ASTN2: variants seen among roughly 807,000 people sequenced by gnomAD.
ASTN2 encodes the protein astrotactin-2.
Under a neutral mutation model 139.8 loss-of-function variants are expected in ASTN2, and 54 were observed. That is an observed-to-expected ratio of 0.39 (90% CI 0.31 to 0.48). The LOEUF (loss-of-function observed/expected upper bound fraction) is 0.48, where lower values mean the gene tolerates loss of function less well. Ranked by LOEUF, ASTN2 falls within the 20% of genes least tolerant of loss-of-function variation. ASTN2 has a pLI of 0.95. For missense variants in ASTN2, 1,565 were observed against 1,725.1 expected, an observed-to-expected ratio of 0.91 and a Z score of 1.64; for synonymous variants, 756 against 719.5, an observed-to-expected ratio of 1.05 and a Z score of -0.81.
intron 12 of ASTN2, among the ~76,000 whole-genome samples, chr9:116,808,400 A>G (rs1420727718): frequency 6.6e-6 from 1 of 152,148 alleles, no homozygotes; most frequent in Non-Finnish European, 1.5e-5. Flanking sequence ...CACATCTCAT[A>G]ATAAACTCAT....
At position 116,480,434 on chromosome 9, in the gene ASTN2, A is replaced by C. The variant is rs554492696; in HGVS notation, c.3497+6925T>G. Among the ~76,000 whole-genome samples, 15 of 152,208 alleles carry C rather than the reference A, an allele frequency of 9.9e-5. 1 individual carries two copies. Among genetic ancestry groups the C allele is most frequent in the Admixed American group, 3.9e-4 (6 of 15,284 alleles). On this transcript the variant is annotated intron_variant, in intron 20 of 22. Coordinates refer to ENST00000313400, the MANE Select transcript of ASTN2 (RefSeq NM_001365068.1). Reference sequence around the variant, plus strand: ...TCCACATTGACTTGAAAATTTGTTCAAATAATTCGACAAAGATTTATTGGA... The same window carrying C: ...TCCACATTGACTTGAAAATTTGTTCCAATAATTCGACAAAGATTTATTGGA...
At chr9:116,439,329 T>C (rs1263869122) in intron 22 of ASTN2, among the ~76,000 whole-genome samples, 1 of 139,498 alleles carries the variant, frequency 7.2e-6, no homozygotes, top group Non-Finnish European at 1.5e-5. Flanking sequence ...GCCTCCCGAG[T>C]AGCTGGGACT....
intron 2 of ASTN2, among the ~76,000 whole-genome samples, chr9:117,272,239 C>A (rs573396844): frequency 1.4e-4 from 21 of 152,248 alleles, no homozygotes; most frequent in Non-Finnish European, 2.8e-4. Flanking sequence ...CCCTCTAAAG[C>A]CACAGGCTGA....
intron 10 of ASTN2, among the ~76,000 whole-genome samples, chr9:116,937,834 C>T (rs1338743427): frequency 3.3e-5 from 5 of 152,216 alleles, no homozygotes; most frequent in African/African-American, 1.2e-4. Context: ...CTGCCCTCAT[C>T]TGCAGAGATA....
intron 1 of ASTN2, among the ~76,000 whole-genome samples, chr9:117,412,201 G>C (rs1033001855): frequency 4.6e-5 from 7 of 152,134 alleles, no homozygotes; most frequent in Admixed American, 3.9e-4. Context: ...CCCGTTGAGA[G>C]CGCCTAAAGC....
intron 16 of ASTN2, among the ~76,000 whole-genome samples, chr9:116,692,994 A>G (rs1424045766): frequency 6.6e-6 from 1 of 152,144 alleles, no homozygotes. Flanking sequence ...TTCTCAATCA[A>G]AACTCTTCAA....
intron 17 of ASTN2, among the ~76,000 whole-genome samples, chr9:116,630,579 C>G (rs544280059): frequency 1.3e-5 from 2 of 152,088 alleles, no homozygotes; most frequent in African/African-American, 4.8e-5. Context: ...TTGGTCAGTC[C>G]CAAGTCCTTC....
At chr9:117,389,076 G>T (rs1303394755) in intron 1 of ASTN2, among the ~76,000 whole-genome samples, 1 of 152,166 alleles carries the variant, frequency 6.6e-6, no homozygotes, top group Non-Finnish European at 1.5e-5. Context: ...AAGGATTAAA[G>T]AAATCATTTG....
chr9:117,169,969 G>A (rs368284591), intron 3 of ASTN2, among the ~76,000 whole-genome samples: 1 of 152,056 alleles, frequency 6.6e-6, no homozygotes, highest in Non-Finnish European at 1.5e-5. Context: ...CTGGGATCTG[G>A]CTATCTTGGG....
chr9:116,706,760 A>ATTTT (rs60395133), intron 16 of ASTN2, among the ~76,000 whole-genome samples: 60 of 88,044 alleles, frequency 6.8e-4, no homozygotes, highest in East Asian at 9.2e-4. Flanking sequence ...GCTGGCTAGA[A>ATTTT]TTTTTTTTTT....
At chr9:116,881,534 A>G (rs1411155617) in intron 10 of ASTN2, among the ~76,000 whole-genome samples, 1 of 152,242 alleles carries the variant, frequency 6.6e-6, no homozygotes, top group East Asian at 1.9e-4. Context: ...CAGGACTGAT[A>G]TTAAAACAAA....
chr9:117,055,525 G>A (rs1839033641), intron 5 of ASTN2, among the ~76,000 whole-genome samples: 1 of 152,180 alleles, frequency 6.6e-6, no homozygotes. Flanking sequence ...TATGAAGGAT[G>A]AGATCTACAA....
chr9:117,040,665 G>T (rs976252715), intron 5 of ASTN2, among the ~76,000 whole-genome samples: 2 of 152,082 alleles, frequency 1.3e-5, no homozygotes, highest in African/African-American at 4.8e-5. Context: ...CACCATGTTG[G>T]CCAGGCTGGT....
chr9:116,614,548 G>C (rs935199724), intron 19 of ASTN2, among the ~76,000 whole-genome samples: 8 of 152,048 alleles, frequency 5.3e-5, no homozygotes, highest in Non-Finnish European at 1.2e-4. Context: ...GAACACAATA[G>C]AGCCCCCGGA....
chr9:117,410,042 T>G (rs986936080), intron 1 of ASTN2, among the ~76,000 whole-genome samples: 2 of 152,218 alleles, frequency 1.3e-5, no homozygotes, highest in African/African-American at 4.8e-5. Context: ...TGAATAGCTT[T>G]TCTTTCTTCA....
At chr9:117,276,033 A>T (rs997109342) in intron 2 of ASTN2, among the ~76,000 whole-genome samples, 1 of 152,188 alleles carries the variant, frequency 6.6e-6, no homozygotes, top group African/African-American at 2.4e-5. Context: ...CACCTGCTTA[A>T]TATATTGTCA....
chr9:117,176,959 A>G (rs1830933560), intron 3 of ASTN2, among the ~76,000 whole-genome samples: 1 of 152,316 alleles, frequency 6.6e-6, no homozygotes. Context: ...AATGTCTGGT[A>G]TATTTCCTAG....
chr9:116,967,219 C>CA (rs996143863), intron 10 of ASTN2, among the ~76,000 whole-genome samples: 26 of 151,988 alleles, frequency 1.7e-4, no homozygotes, highest in African/African-American at 6.0e-4. Flanking sequence ...ATTCCATTCT[C>CA]AAAAAAACAT....
chr9:116,427,577 C>G (rs1322161826), intron 22 of ASTN2, among the ~76,000 whole-genome samples: 3 of 152,236 alleles, frequency 2.0e-5, no homozygotes, highest in East Asian at 3.8e-4. Context: ...CTCTCCATGT[C>G]CCTCTGATAC....
Sources: allele counts gnomAD v4.1 joint callset (sites outside exome capture counted in the v4.1 genomes callset), GRCh38; gene constraint gnomAD v4.1.1; transcripts MANE v1.5; gene names NCBI Gene and HGNC (gene_info 2026-07-23, HGNC 2026-07-21).